LRATD1: variants seen among roughly 807,000 people sequenced by gnomAD.
The protein encoded by LRATD1 is LRAT domain containing 1.
In LRATD1, 8 loss-of-function variants were observed where a neutral mutation model predicts 21.3. That is an observed-to-expected ratio of 0.38 (90% CI 0.22 to 0.68). The LOEUF (loss-of-function observed/expected upper bound fraction) is 0.68, where lower values mean the gene tolerates loss of function less well. Ranked by LOEUF, LRATD1 falls within the 30% of genes least tolerant of loss-of-function variation. The probability of loss-of-function intolerance (pLI) is 0.54; values close to 1 mark genes in which losing one functional copy is unlikely to be tolerated. For missense variants in LRATD1, 380 were observed against 404.0 expected (o/e 0.94, Z 0.51); for synonymous variants, 210 against 186.2 (o/e 1.13, Z -1.04).
At chr2:14,648,508 T>G (rs995836078) in intron 4 of LRATD1, among the ~76,000 whole-genome samples, 1 of 152,168 alleles carries the variant, frequency 6.6e-6, no homozygotes, top group Non-Finnish European at 1.5e-5. Context: ...CTTTTGCAAA[T>G]TTTTTAAATG....
rs1282871613 is a variant in LRATD1, at chr2:14,635,120, C to A, written c.*262C>A. 2.8e-6 allele frequency: 2 copies of A among 703,126 alleles called. No homozygotes were observed. Among genetic ancestry groups the A allele is most frequent in the Admixed American group, 4.1e-5 (2 of 49,250 alleles). 43.6% of individuals were successfully genotyped at this position (703,126 alleles called of 1,614,324 possible). A position where few individuals can be genotyped will look rare whatever the true frequency, so the allele number is the denominator to read the frequency against. ...CGGTGGTGACGGTGCTGGGAGACCC[C>A]GCGTGCGCTTTCCCCTTGAGATGTA... On this transcript the variant is annotated 3_prime_UTR_variant, in exon 2 of 2. Transcript: ENST00000295092.
At chr2:14,647,167 TA>T (rs1671910766) in intron 4 of LRATD1, among the ~76,000 whole-genome samples, 1 of 152,156 alleles carries the variant, frequency 6.6e-6, no homozygotes, top group Non-Finnish European at 1.5e-5. Flanking sequence ...CCTTTGTACA[TA>T]AAAGGCAATC....
downstream of LRATD1, among the ~76,000 whole-genome samples, chr2:14,641,142 C>T (rs1189850979): frequency 6.6e-6 from 1 of 152,154 alleles, no homozygotes; most frequent in Non-Finnish European, 1.5e-5. Flanking sequence ...CTCTAAGAAG[C>T]AATAGAGCCC....
rs1331448781 is a variant in LRATD1 at position 14,639,043 on chromosome 2, TGTA to T, written c.*4186_*4188del. The T allele has an allele frequency of 6.0e-6, 1 of 166,834 alleles. No individual in the cohort carries two copies. Among genetic ancestry groups the T allele is most frequent in the African/African-American group, 2.4e-5 (1 of 41,398 alleles). 10.3% of individuals were successfully genotyped at this position (166,834 alleles called of 1,614,324 possible). On this transcript the variant is annotated 3_prime_UTR_variant, in exon 2 of 2. Transcript: ENST00000295092. The stretch of plus-strand genomic sequence containing the variant: ...ATACACTCATATACATATATACACA[TGTA>T]TATATACTTGTGTACACATACATTT...
Position 14,634,886 on chromosome 2 carries a change from C to T in LRATD1, c.*28C>T. On this transcript the variant is annotated 3_prime_UTR_variant, in exon 2 of 2. Transcript: ENST00000295092. The stretch of plus-strand genomic sequence containing the variant: ...GCCTAGGGGCTGCCGGCCCCTCTGC[C>T]TCCCCCGCACCTCGCTCCCTTCCCT... The T allele has an allele frequency of 6.3e-7, 1 of 1,593,648 alleles. No individual in the cohort carries two copies. Among genetic ancestry groups the T allele is most frequent in the Non-Finnish European group, 8.6e-7 (1 of 1,168,258 alleles).
rs750037276 is a variant in LRATD1 at position 14,634,462 on chromosome 2, C to T, written c.483C>T (p.Ile161=). 4.6e-6 allele frequency: 7 copies of T among 1,519,834 alleles called. No homozygotes were observed. The Admixed American group carries it at 1.3e-4, about 28-fold the overall frequency. The allele number at this position is 1,519,834 out of a possible 1,614,324, so 94.1% of individuals were successfully genotyped here. A position where few individuals can be genotyped will look rare whatever the true frequency, so the allele number is the denominator to read the frequency against. The change falls in exon 2 of 2, where the codon ATC becomes ATT. Residue 161 remains isoleucine (I), a synonymous_variant. Coordinates refer to ENST00000295092, the MANE Select transcript of LRATD1 (RefSeq NM_145175.4). ...TCATCCACCTGCACCAAGGCGAGAT[C>T]CGCCAGGACAGCCTGTATGAGGCGG... The part of the protein sequence containing the change: ...GQIIHLHQGE[I]RQDSLYEAGA...
chr2:14,646,815 T>G (rs1259520245), intron 4 of LRATD1, among the ~76,000 whole-genome samples: 1 of 152,174 alleles, frequency 6.6e-6, no homozygotes, highest in Non-Finnish European at 1.5e-5. Flanking sequence ...TACCATGAGA[T>G]GCTGCAGTAA....
At position 14,639,868 on chromosome 2, in the gene LRATD1, C is replaced by T; in HGVS notation, c.*5010C>T. On this transcript the variant is annotated 3_prime_UTR_variant, in exon 2 of 2. Coordinates refer to ENST00000295092, the MANE Select transcript of LRATD1 (RefSeq NM_145175.4). ...CCAGAAAGCCCGTCACTTGCCTTGC[C>T]TGCAAAGGCGAGCCTAAAGAAATTT... is the stretch of plus-strand genomic sequence containing the variant. 6.0e-6 allele frequency: 1 copy of T among 167,154 alleles called. No homozygotes were observed. The highest frequency in any genetic ancestry group is 1.9e-4 in the East Asian group (1 of 5,202). 10.4% of individuals were successfully genotyped at this position (167,154 alleles called of 1,614,324 possible). A position where few individuals can be genotyped will look rare whatever the true frequency, so the allele number is the denominator to read the frequency against.
chr2:14,634,306 C>A lies in LRATD1; in HGVS notation c.327C>A (p.Ser109Arg), dbSNP rs759843874. The A allele has an allele frequency of 6.3e-7, 1 of 1,599,858 alleles. No homozygotes were observed. The highest frequency in any genetic ancestry group is 8.5e-7 in the Non-Finnish European group (1 of 1,177,472). The change falls in exon 2 of 2, where the codon AGC (serine) becomes AGA (arginine). Residue 109 changes from serine to arginine, a missense_variant. Physicochemically the swap from Ser to Arg is moderately radical, Grantham distance 110. Transcript: ENST00000295092. ...VSGGPQGADL[S>R]VYAVTALPAL... ...GTGGCCCTCAGGGCGCCGACCTAAG[C>A]GTCTACGCGGTCACCGCGCTGCCAG... is the stretch of plus-strand genomic sequence containing the variant.
chr2:14,647,705 C>T (rs1284214704), intron 4 of LRATD1, among the ~76,000 whole-genome samples: 1 of 152,108 alleles, frequency 6.6e-6, no homozygotes, highest in Non-Finnish European at 1.5e-5. Flanking sequence ...AGGGCCCTCA[C>T]CAGAACTTGA....
chr2:14,649,255 T>C (rs1255798784), intron 4 of LRATD1: 1 of 456,310 alleles, frequency 2.2e-6, no homozygotes, highest in East Asian at 6.9e-5. Flanking sequence ...AGTCAGGAAA[T>C]ATATGACTTC....
chr2:14,644,873 G>A (rs1164018137), downstream of LRATD1, among the ~76,000 whole-genome samples: 1 of 152,168 alleles, frequency 6.6e-6, no homozygotes, highest in Non-Finnish European at 1.5e-5. Context: ...ACTATCAGAT[G>A]CAGTGTGCAG....
At chr2:14,646,448 G>T (rs950145306) in exon 4 of LRATD1, 2 of 152,050 alleles carry the variant, frequency 1.3e-5, no homozygotes, top group Non-Finnish European at 2.9e-5. Context: ...CGTCTGTGTC[G>T]GTAACCAGGG....
At chr2:14,644,523 G>A (rs1671862679), downstream of LRATD1, among the ~76,000 whole-genome samples, 1 of 152,094 alleles carries the variant, frequency 6.6e-6, no homozygotes, top group Non-Finnish European at 1.5e-5. Flanking sequence ...AAGTCCTTTT[G>A]ATGTTGAACT....
chr2:14,643,213 G>C (rs1671833836), downstream of LRATD1, among the ~76,000 whole-genome samples: 1 of 152,150 alleles, frequency 6.6e-6, no homozygotes, highest in African/African-American at 2.4e-5. Flanking sequence ...CCTTGCATGT[G>C]TCTGCTTTAT....
rs1465400176 is a variant in LRATD1, at chr2:14,635,048, C to G, written c.*190C>G. The G allele has an allele frequency of 1.1e-6, 1 of 885,164 alleles. No individual in the cohort carries two copies. Among genetic ancestry groups the G allele is most frequent in the Non-Finnish European group, 1.8e-6 (1 of 546,776 alleles). The allele number at this position is 885,164 out of a possible 1,614,324, so 54.8% of individuals were successfully genotyped here. A position where few individuals can be genotyped will look rare whatever the true frequency, so the allele number is the denominator to read the frequency against. ...GCGGCAGGAAGTCTCAGGAACTGCCCCAGGGCCGAAAGGGCGCCGCTGCGA... is the reference window on the plus strand; with the variant it reads ...GCGGCAGGAAGTCTCAGGAACTGCCGCAGGGCCGAAAGGGCGCCGCTGCGA... On this transcript the variant is annotated 3_prime_UTR_variant, in exon 2 of 2. Coordinates refer to ENST00000295092, the MANE Select transcript of LRATD1 (RefSeq NM_145175.4).
chr2:14,651,877 A>G (rs1208921377), downstream of LRATD1, among the ~76,000 whole-genome samples: 1 of 152,128 alleles, frequency 6.6e-6, no homozygotes, highest in Non-Finnish European at 1.5e-5. Flanking sequence ...AAATGTACAT[A>G]TTGTAAGTTG....
chr2:14,632,802 G>A lies in LRATD1; in HGVS notation c.-172G>A, dbSNP rs1572293716. 1.3e-5 allele frequency: 2 copies of A among 152,784 alleles called. No homozygotes were observed. Among genetic ancestry groups the A allele is most frequent in the East Asian group, 1.9e-4 (1 of 5,162 alleles). 9.5% of individuals were successfully genotyped at this position (152,784 alleles called of 1,614,324 possible). ...GAGGCGCACGGGCGCCGCACCGCACGATTCGGCTCGGGGTAGAGCGGAGCC... is the reference window on the plus strand; with the variant it reads ...GAGGCGCACGGGCGCCGCACCGCACAATTCGGCTCGGGGTAGAGCGGAGCC... On this transcript the variant is annotated 5_prime_UTR_variant, in exon 1 of 2. Coordinates refer to ENST00000295092, the MANE Select transcript of LRATD1 (RefSeq NM_145175.4).
chr2:14,643,310 G>C (rs183857128), downstream of LRATD1, among the ~76,000 whole-genome samples: 34 of 152,284 alleles, frequency 2.2e-4, no homozygotes, highest in African/African-American at 7.0e-4. Flanking sequence ...ACAAAACAAA[G>C]GCTCTAAATC....
Sources: allele counts gnomAD v4.1 joint callset (sites outside exome capture counted in the v4.1 genomes callset), GRCh38; gene constraint gnomAD v4.1.1; transcripts MANE v1.5; gene names NCBI Gene and HGNC (gene_info 2026-07-23, HGNC 2026-07-21).